PTGIS: variants seen among roughly 807,000 people sequenced by gnomAD.
PTGIS encodes the protein prostaglandin I2 synthase.
Under a neutral mutation model 50.3 loss-of-function variants are expected in PTGIS, and 45 were observed. The observed-to-expected ratio is 0.90, with a 90% confidence interval of 0.70 to 1.15. The LOEUF is 1.15. Among genes scored for constraint, PTGIS ranks in the 50% most tolerant of loss-of-function variants. The pLI is 0.00. For missense variants in PTGIS, 668 were observed against 661.3 expected (o/e 1.01, Z -0.11); for synonymous variants, 260 against 267.7 (o/e 0.97, Z 0.28).
At chr20:49,551,806 T>TTGTGTGTGTGTGTG (rs58517059) in intron 1 of PTGIS, among the ~76,000 whole-genome samples, 14 of 142,678 alleles carry the variant, frequency 9.8e-5, no homozygotes, top group South Asian at 4.6e-4. Flanking sequence ...GTGTATGTGT[T>TTGTGTGTGTGTGTG]TGTGTGTGTG....
intron 5 of PTGIS, among the ~76,000 whole-genome samples, chr20:49,526,868 T>C (rs1981805621): frequency 6.6e-6 from 1 of 152,194 alleles, no homozygotes; most frequent in Non-Finnish European, 1.5e-5. Context: ...CCTTATGCAT[T>C]GCTGGTGGGA....
chr20:49,546,616 G>A (rs974645676), intron 3 of PTGIS, among the ~76,000 whole-genome samples: 8 of 152,182 alleles, frequency 5.3e-5, no homozygotes, highest in East Asian at 1.9e-4. Flanking sequence ...AGGAGAATGC[G>A]CTGTGAAGTC....
chr20:49,530,178 C>T (rs1310656173), intron 5 of PTGIS, among the ~76,000 whole-genome samples: 5 of 150,626 alleles, frequency 3.3e-5, no homozygotes, highest in Admixed American at 3.3e-4. Context: ...AAAAATTAAA[C>T]TCTGTCATAG....
At chr20:49,512,186 T>A (rs2122838561) in intron 8 of PTGIS, among the ~76,000 whole-genome samples, 1 of 151,844 alleles carries the variant, frequency 6.6e-6, no homozygotes, top group African/African-American at 2.4e-5. Flanking sequence ...GGTGGATGGA[T>A]AGATTAATGG....
intron 1 of PTGIS, among the ~76,000 whole-genome samples, chr20:49,567,677 C>T (rs1280859873): frequency 1.3e-5 from 2 of 152,198 alleles, no homozygotes; most frequent in East Asian, 3.9e-4. Flanking sequence ...ACCCGGGCCA[C>T]GCAGAGGCTG....
At chr20:49,546,899 C>T (rs1343788919) in intron 3 of PTGIS, among the ~76,000 whole-genome samples, 1 of 152,210 alleles carries the variant, frequency 6.6e-6, no homozygotes, top group African/African-American at 2.4e-5. Flanking sequence ...TGAATGAATG[C>T]AGAGCAAACA....
At chr20:49,531,376 C>T (rs1018232560) in intron 5 of PTGIS, among the ~76,000 whole-genome samples, 1 of 152,098 alleles carries the variant, frequency 6.6e-6, no homozygotes, top group Non-Finnish European at 1.5e-5. Context: ...GGGGAGTCTG[C>T]ATAAAGCCCC....
At chr20:49,553,968 A>G (rs1217480000) in intron 1 of PTGIS, among the ~76,000 whole-genome samples, 1 of 152,210 alleles carries the variant, frequency 6.6e-6, no homozygotes, top group Non-Finnish European at 1.5e-5. Flanking sequence ...TATAATTAAA[A>G]GGAAATTATT....
intron 8 of PTGIS, among the ~76,000 whole-genome samples, chr20:49,512,279 G>A (rs1029470826): frequency 6.6e-6 from 1 of 151,932 alleles, no homozygotes; most frequent in Non-Finnish European, 1.5e-5. Flanking sequence ...ATGGATGGGT[G>A]AATTTGTGAA....
intron 5 of PTGIS, among the ~76,000 whole-genome samples, chr20:49,526,747 A>G (rs556749772): frequency 6.6e-6 from 1 of 152,346 alleles, no homozygotes; most frequent in Non-Finnish European, 1.5e-5. Flanking sequence ...ACCATTAGTC[A>G]TTAGAAAATG....
chr20:49,555,325 C>T (rs528620131), intron 1 of PTGIS, among the ~76,000 whole-genome samples: 1 of 152,006 alleles, frequency 6.6e-6, no homozygotes, highest in Non-Finnish European at 1.5e-5. Context: ...CTGAGTTATA[C>T]CTTTGGCTAA....
chr20:49,542,835 G>C (rs977035718), intron 4 of PTGIS, among the ~76,000 whole-genome samples: 2 of 152,126 alleles, frequency 1.3e-5, no homozygotes, highest in African/African-American at 4.8e-5. Context: ...CCCAACACAG[G>C]CCTCTGGGCA....
chr20:49,506,933 T>G lies in PTGIS; in HGVS notation c.*987A>C, dbSNP rs1981166827. On this transcript the variant is annotated 3_prime_UTR_variant, in exon 10 of 10. Transcript: ENST00000244043. ...TGGCCAAGAGTTACCCTTGGGAATG[T>G]GAGCCCAGTGTGGCCAGATATACCA... The G allele has an allele frequency of 6.6e-6, 1 of 152,242 alleles. No homozygotes were observed. The highest frequency in any genetic ancestry group is 1.5e-5 in the Non-Finnish European group (1 of 68,062). 9.4% of individuals were successfully genotyped at this position (152,242 alleles called of 1,614,324 possible).
chr20:49,554,400 G>A (rs1439703996), intron 1 of PTGIS, among the ~76,000 whole-genome samples: 4 of 152,108 alleles, frequency 2.6e-5, no homozygotes, highest in Admixed American at 2.6e-4. Context: ...TTTTAATGAA[G>A]GTTATTACAT....
chr20:49,547,830 C>T lies in PTGIS; in HGVS notation c.377+11G>A. ...CTGGCCCTCCCACAGGTGCCATCTC[C>T]AGCCACTCACAGTTTCATCCTGGCC... On this transcript the variant is annotated intron_variant, in intron 3 of 9. Coordinates refer to ENST00000244043, the MANE Select transcript of PTGIS (RefSeq NM_000961.4). 6.2e-7 allele frequency: 1 copy of T among 1,614,016 alleles called. No homozygotes were observed. Among genetic ancestry groups the T allele is most frequent in the Non-Finnish European group, 8.5e-7 (1 of 1,179,982 alleles).
chr20:49,510,641 T>G lies in PTGIS; in HGVS notation c.1358+387A>C, dbSNP rs565324436. Among the ~76,000 whole-genome samples, 299 of 152,222 alleles carry G rather than the reference T, an allele frequency of 2.0e-3. 4 individuals are homozygous for G. The highest frequency in any genetic ancestry group is 7.1e-3 in the African/African-American group (295 of 41,542). On this transcript the variant is annotated intron_variant, in intron 9 of 9. Transcript: ENST00000244043. ...TATGAGGCTCTCGGCCCCACAGGTA[T>G]TAAAATAACCAAGTGGGAACAGTGA...
At chr20:49,539,548 C>A (rs769604131) in intron 5 of PTGIS, 22 bp downstream of exon 5, 5 of 1,611,188 alleles carry the variant, frequency 3.1e-6, no homozygotes. Flanking sequence ...CCCCCACCCA[C>A]TGGGGCCCCC....
At chr20:49,529,057 G>A (rs1478043556) in intron 5 of PTGIS, among the ~76,000 whole-genome samples, 1 of 152,120 alleles carries the variant, frequency 6.6e-6, no homozygotes, top group East Asian at 1.9e-4. Flanking sequence ...ACACAAATAT[G>A]GTGTGAAATG....
chr20:49,539,485 C>A, intron 5 of PTGIS, 85 bp downstream of exon 5: 3 of 1,462,184 alleles, frequency 2.1e-6, no homozygotes, highest in South Asian at 1.2e-5. Flanking sequence ...GCCTGTGTTG[C>A]CTCTGGTCCT....
Sources: allele counts gnomAD v4.1 joint callset (sites outside exome capture counted in the v4.1 genomes callset), GRCh38; gene constraint gnomAD v4.1.1; transcripts MANE v1.5; gene names NCBI Gene and HGNC (gene_info 2026-07-23, HGNC 2026-07-21).